LINC00305: variants seen among roughly 807,000 people sequenced by gnomAD.
The protein encoded by LINC00305 is long independently transcribed non-coding RNA 305.
At chr18:64,143,475 C>A (rs1351605026) in intron 1 of LINC00305, among the ~76,000 whole-genome samples, 1 of 80,662 alleles carries the variant, frequency 1.2e-5, no homozygotes, top group Non-Finnish European at 2.4e-5. Context: ...ATCTGAAAAG[C>A]ATTGATGGTG....
At chr18:64,122,953 A>G (rs557592006) in intron 1 of LINC00305, among the ~76,000 whole-genome samples, 3 of 151,992 alleles carry the variant, frequency 2.0e-5, no homozygotes, top group Non-Finnish European at 4.4e-5. Flanking sequence ...TTTTGTAGCT[A>G]TTGTAAATGG....
chr18:64,088,042 A>G (rs971775335), intron 3 of LINC00305, among the ~76,000 whole-genome samples: 3 of 152,152 alleles, frequency 2.0e-5, no homozygotes, highest in Non-Finnish European at 4.4e-5. Context: ...AGAATGGTGT[A>G]AACCCGGGAG....
At chr18:64,145,981 G>C (rs7234133) in intron 1 of LINC00305, among the ~76,000 whole-genome samples, 248 of 151,896 alleles carry the variant, frequency 1.6e-3, no homozygotes, top group African/African-American at 5.9e-3. Context: ...AAAATGTGGG[G>C]TACTTATTAG....
chr18:64,136,180 G>A (rs755579021), intron 1 of LINC00305, among the ~76,000 whole-genome samples: 15 of 152,102 alleles, frequency 9.9e-5, no homozygotes, highest in South Asian at 4.1e-4. Flanking sequence ...TTAAAAATGT[G>A]TTTTCGTCCT....
chr18:64,122,651 T>C (rs1230530058), intron 1 of LINC00305, among the ~76,000 whole-genome samples: 1 of 152,120 alleles, frequency 6.6e-6, no homozygotes, highest in Admixed American at 6.6e-5. Flanking sequence ...TTGCTTAGGA[T>C]TGGTTTGGCA....
intron 1 of LINC00305, among the ~76,000 whole-genome samples, chr18:64,131,327 T>G (rs1244226788): frequency 6.6e-6 from 1 of 152,232 alleles, no homozygotes; most frequent in Non-Finnish European, 1.5e-5. Context: ...CTATACACTA[T>G]GCTGCAAATT....
chr18:64,127,086 C>T (rs970263739), intron 1 of LINC00305, among the ~76,000 whole-genome samples: 2 of 152,104 alleles, frequency 1.3e-5, no homozygotes, highest in African/African-American at 4.8e-5. Flanking sequence ...TCCCCGCCCC[C>T]TGCCAAGTAA....
chr18:64,111,777 G>A (rs925324173), intron 1 of LINC00305, among the ~76,000 whole-genome samples: 1 of 152,168 alleles, frequency 6.6e-6, no homozygotes, highest in Admixed American at 6.5e-5. Context: ...TCAGGAAAGT[G>A]TTAGGGAAGC....
In LINC00305 at chr18:64,094,666, C is replaced by T. The variant is rs150516415; in HGVS notation, n.540+3168G>A. Among the ~76,000 whole-genome samples the T allele has an allele frequency of 1.9e-3, 295 of 152,092 alleles. 1 individual carries two copies. Among genetic ancestry groups the T allele is most frequent in the African/African-American group, 6.6e-3 (273 of 41,494 alleles). ...TCACCTGAAGTCAGGAGTTTAAGAC[C>T]ACCCTGGGCAACATGCCAAAACCCC... On this transcript the variant is annotated intron_variant and non_coding_transcript_variant, in intron 3 of 3. Transcript: ENST00000666468.
At chr18:64,122,778 A>T (rs1007538054) in intron 1 of LINC00305, among the ~76,000 whole-genome samples, 1 of 152,056 alleles carries the variant, frequency 6.6e-6, no homozygotes, top group East Asian at 1.9e-4. Context: ...CTTGAGCAGG[A>T]TTGTCATTTT....
At chr18:64,101,290 G>A (rs2051267151) in intron 1 of LINC00305, among the ~76,000 whole-genome samples, 1 of 152,150 alleles carries the variant, frequency 6.6e-6, no homozygotes, top group Admixed American at 6.6e-5. Flanking sequence ...GCTCATATGG[G>A]AACAATGCCC....
At chr18:64,097,479 T>C (rs1408343399) in intron 3 of LINC00305, among the ~76,000 whole-genome samples, 1 of 152,084 alleles carries the variant, frequency 6.6e-6, no homozygotes, top group Non-Finnish European at 1.5e-5. Flanking sequence ...AACAATAATG[T>C]AAAACTTGTA....
chr18:64,143,801 AT>A (rs2051483240), intron 1 of LINC00305, among the ~76,000 whole-genome samples: 1 of 148,808 alleles, frequency 6.7e-6, no homozygotes, highest in African/African-American at 2.5e-5. Flanking sequence ...TTATGCGTAC[AT>A]GTATGTATAC....
At chr18:64,127,081 G>A (rs2051388703) in intron 1 of LINC00305, among the ~76,000 whole-genome samples, 1 of 151,696 alleles carries the variant, frequency 6.6e-6, no homozygotes, top group Non-Finnish European at 1.5e-5. Flanking sequence ...CTTCCTCCCC[G>A]CCCCCTGCCA....
At chr18:64,087,278 G>T (rs1156437073) in intron 3 of LINC00305, among the ~76,000 whole-genome samples, 3 of 152,044 alleles carry the variant, frequency 2.0e-5, no homozygotes, top group Non-Finnish European at 4.4e-5. Context: ...GGGTTTGATA[G>T]ATTATTATGC....
Position 64,126,555 on chromosome 18 carries a change from A to T in LINC00305, n.314+22220T>A, listed in dbSNP as rs377526530. Among the ~76,000 whole-genome samples the T allele has an allele frequency of 4.6e-5, 7 of 152,170 alleles. 1 individual carries two copies. The highest frequency in any genetic ancestry group is 2.0e-4 in the Admixed American group (3 of 15,260). On this transcript the variant is annotated intron_variant and non_coding_transcript_variant, in intron 1 of 3. Coordinates refer to ENST00000666468, the Ensembl canonical transcript of LINC00305. ...AAGGAGCTGTTCACTGAGATATAGG[A>T]TTGCTCAGAGCTGCCCTTAATAATT...
At chr18:64,089,511 C>T (rs1226751315) in intron 3 of LINC00305, among the ~76,000 whole-genome samples, 4 of 152,184 alleles carry the variant, frequency 2.6e-5, no homozygotes, top group Non-Finnish European at 5.9e-5. Context: ...TCTCTAGGCT[C>T]TCTGTTGGCT....
intron 3 of LINC00305, among the ~76,000 whole-genome samples, chr18:64,080,553 A>G (rs1334443179): frequency 2.0e-5 from 3 of 152,232 alleles, no homozygotes; most frequent in African/African-American, 7.2e-5. Context: ...GATTCTAAAA[A>G]TAATTGAATA....
At position 64,088,544 on chromosome 18, in the gene LINC00305, T is replaced by C. The variant is rs117034693; in HGVS notation, n.541-8142A>G. ...CCATGTTCACAGAGTCAGTAAGTGG[T>C]AGAGCCAGGACTCATGTCCATGTGG... On this transcript the variant is annotated intron_variant and non_coding_transcript_variant, in intron 3 of 3. Coordinates refer to ENST00000666468, the Ensembl canonical transcript of LINC00305. Among the ~76,000 whole-genome samples the C allele has an allele frequency of 6.8e-3, 1,034 of 152,328 alleles. 16 individuals carry two copies. The highest frequency in any genetic ancestry group is 0.04 in the East Asian group (207 of 5,176).
Sources: allele counts gnomAD v4.1 joint callset (sites outside exome capture counted in the v4.1 genomes callset), GRCh38; gene constraint gnomAD v4.1.1; transcripts MANE v1.5; gene names NCBI Gene and HGNC (gene_info 2026-07-23, HGNC 2026-07-21).